STK32C: variants seen among roughly 807,000 people sequenced by gnomAD.
STK32C encodes the protein serine/threonine kinase 32C.
STK32C carries 31 observed loss-of-function variants against 56.5 expected under a neutral mutation model. The ratio of observed to expected loss-of-function variants is 0.55; its 90% CI spans 0.41 to 0.74. STK32C has a LOEUF of 0.74. Ranked by LOEUF, STK32C falls within the 30% of genes least tolerant of loss-of-function variation. The probability of loss-of-function intolerance (pLI) is 0.00; values close to 1 mark genes in which losing one functional copy is unlikely to be tolerated. For missense variants in STK32C, 544 were observed against 676.9 expected (o/e 0.80, Z 2.18); for synonymous variants, 309 against 289.4 (o/e 1.07, Z -0.69).
chr10:132,331,137 G>A (rs2066698130), intron 1 of STK32C, among the ~76,000 whole-genome samples: 1 of 145,916 alleles, frequency 6.9e-6, no homozygotes, highest in African/African-American at 2.6e-5. Context: ...GGAGGCGGAG[G>A]TCGCAGTGGG....
chr10:132,222,121 A>C (rs1207781856), intron 10 of STK32C, among the ~76,000 whole-genome samples: 2 of 145,178 alleles, frequency 1.4e-5, no homozygotes, highest in Non-Finnish European at 3.0e-5. Context: ...CACACACCTG[A>C]TGCTGACGCA....
intron 1 of STK32C, among the ~76,000 whole-genome samples, chr10:132,280,651 A>G (rs72856778): frequency 1.5e-3 from 173 of 118,174 alleles, no homozygotes; most frequent in African/African-American, 2.7e-3. Flanking sequence ...ACTCCACTCC[A>G]TGATCACCAC....
At chr10:132,254,153 C>T (rs1281914082) in intron 1 of STK32C, among the ~76,000 whole-genome samples, 1 of 152,040 alleles carries the variant, frequency 6.6e-6, no homozygotes, top group East Asian at 1.9e-4. Context: ...ACTAAAAATA[C>T]AAAAAATTAG....
intron 1 of STK32C, among the ~76,000 whole-genome samples, chr10:132,316,185 TA>T (rs1428844921): frequency 6.6e-6 from 1 of 151,920 alleles, no homozygotes; most frequent in Non-Finnish European, 1.5e-5. Context: ...ATTTGCCAAT[TA>T]AAAAGAAAAT....
intron 1 of STK32C, among the ~76,000 whole-genome samples, chr10:132,267,483 GTC>G (rs1419566082): frequency 2.4e-5 from 3 of 122,556 alleles, no homozygotes; most frequent in Non-Finnish European, 5.0e-5. Flanking sequence ...CTCTATGCCT[GTC>G]TGTGTGCATG....
chr10:132,328,848 G>A (rs1372754200), intron 1 of STK32C, among the ~76,000 whole-genome samples: 3 of 152,358 alleles, frequency 2.0e-5, no homozygotes, highest in East Asian at 3.9e-4. Flanking sequence ...CCTCTTGCTG[G>A]CTCCAGGACT....
chr10:132,267,588 T>C (rs567003097), intron 1 of STK32C, among the ~76,000 whole-genome samples: 5 of 151,682 alleles, frequency 3.3e-5, no homozygotes, highest in Non-Finnish European at 5.9e-5. Context: ...TGTGTGTCAG[T>C]GCATGTGCAT....
chr10:132,249,512 C>T (rs1215255830), intron 1 of STK32C, among the ~76,000 whole-genome samples: 1 of 152,138 alleles, frequency 6.6e-6, no homozygotes, highest in African/African-American at 2.4e-5. Flanking sequence ...AGCCCCGAGC[C>T]AAGTGGTCCC....
chr10:132,258,549 G>A (rs575378522), intron 1 of STK32C, among the ~76,000 whole-genome samples: 5 of 152,332 alleles, frequency 3.3e-5, no homozygotes, highest in East Asian at 1.9e-4. Context: ...GGTCCAATGC[G>A]CTCTCCCGGG....
chr10:132,310,004 C>T (rs1372471481), upstream of STK32C, among the ~76,000 whole-genome samples: 5 of 152,138 alleles, frequency 3.3e-5, no homozygotes, highest in Admixed American at 2.0e-4. The surrounding 1 kb of genome is among the most constrained non-coding windows in gnomAD (Gnocchi z 4.6). Context: ...CCCCAAAAGG[C>T]GGGAGAATGT....
upstream of STK32C, among the ~76,000 whole-genome samples, chr10:132,311,039 G>C (rs766688554): frequency 6.6e-6 from 1 of 152,144 alleles, no homozygotes; most frequent in Non-Finnish European, 1.5e-5. This position sits in a 1 kb window ranked among gnomAD's most constrained non-coding sequence, Gnocchi z 4.4. Context: ...GGGACAAGGT[G>C]CAGTCCCTGA....
downstream of STK32C, chr10:132,323,899 T>G: frequency 4.8e-6 from 1 of 210,292 alleles, no homozygotes; most frequent in Non-Finnish European, 9.5e-6. This position sits in a 1 kb window ranked among gnomAD's most constrained non-coding sequence, Gnocchi z 4.8. Context: ...GAAGGGGGAG[T>G]GGGACAAAAC....
intron 1 of STK32C, among the ~76,000 whole-genome samples, chr10:132,274,383 A>G (rs572528612): frequency 6.6e-6 from 1 of 152,292 alleles, no homozygotes; most frequent in South Asian, 2.1e-4. Flanking sequence ...TTTAAATCCT[A>G]TCTCATGGTA....
intron 1 of STK32C, among the ~76,000 whole-genome samples, chr10:132,329,482 C>T (rs565114002): frequency 6.6e-6 from 1 of 152,052 alleles, no homozygotes; most frequent in African/African-American, 2.4e-5. Flanking sequence ...AGAAAACAGC[C>T]GTGAACATTA....
intron 1 of STK32C, among the ~76,000 whole-genome samples, chr10:132,291,710 C>T (rs1417824728): frequency 1.3e-5 from 2 of 152,194 alleles, no homozygotes; most frequent in African/African-American, 4.8e-5. Context: ...GCTCATGAAA[C>T]AGGCCTCGAG....
chr10:132,208,011 T>C lies in STK32C; in HGVS notation c.1460A>G (p.Ter487TrpextTer10). 7.6e-7 allele frequency: 1 copy of C among 1,307,766 alleles called. No individual in the cohort carries two copies. The highest frequency in any genetic ancestry group is 3.1e-5 in the Admixed American group (1 of 32,068). The allele number at this position is 1,307,766 out of a possible 1,614,324, so 81.0% of individuals were successfully genotyped here. Residue 487 changes from the stop codon to tryptophan (W), a stop_lost, in exon 12 of 12, where the codon TAG becomes TGG. Transcript: ENST00000298630. The stretch of plus-strand genomic sequence containing the variant: ...GGTGAGGACCACGGGCGTCCCGGCC[T>C]AGCCGCTCCCGGCCGAGGGGCAAAT... ...GPICPSAGSG[*>W]
chr10:132,327,633 G>A (rs944526033), intron 1 of STK32C, among the ~76,000 whole-genome samples: 1 of 151,826 alleles, frequency 6.6e-6, no homozygotes, highest in African/African-American at 2.4e-5. Context: ...GCACCACCAC[G>A]CCTGGATAAT....
chr10:132,275,993 G>C (rs914832712), intron 1 of STK32C, among the ~76,000 whole-genome samples: 4 of 152,152 alleles, frequency 2.6e-5, no homozygotes, highest in African/African-American at 9.7e-5. Context: ...AACGGTCACA[G>C]TGAAGGCCCG....
chr10:132,275,282 G>A (rs952911667), intron 1 of STK32C, among the ~76,000 whole-genome samples: 12 of 152,216 alleles, frequency 7.9e-5, no homozygotes, highest in Non-Finnish European at 1.5e-5. Context: ...GGCCGCTGGT[G>A]GGGGTGGGTG....
Sources: gnomAD v4.1 joint callset for allele counts (sites outside exome capture counted in the v4.1 genomes callset) on GRCh38, gnomAD v4.1.1 for gene constraint, Gnocchi (gnomAD v3.1) non-coding constraint, MANE v1.5 for transcripts, NCBI Gene and HGNC (gene_info 2026-07-23, HGNC 2026-07-21) for gene names.